Variants in FAM149B1 observed in about 807,000 individuals in gnomAD.
The protein encoded by FAM149B1 is primary cilium assembly protein FAM149B1.
FAM149B1 carries 56 observed loss-of-function variants against 75.3 expected under a neutral mutation model. The ratio of observed to expected loss-of-function variants is 0.74; its 90% CI spans 0.60 to 0.93. The LOEUF (loss-of-function observed/expected upper bound fraction) is 0.93. Ranked by LOEUF, FAM149B1 falls within the 40% of genes least tolerant of loss-of-function variation. The pLI is 0.00. For missense variants in FAM149B1, 639 were observed against 708.4 expected (o/e 0.90, Z 1.11); for synonymous variants, 259 against 256.1 (o/e 1.01, Z -0.11).
At chr10:73,177,747 T>TTTTATCTGTGTACAC in intron 2 of FAM149B1, 99 bp from the exon 3 acceptor site, 4 of 1,048,522 alleles carry the variant, frequency 3.8e-6, no homozygotes, top group African/African-American at 1.6e-5. Context: ...GTACACATGT[T>TTTTATCTGTGTACAC]AATCACCTAG....
intron 8 of FAM149B1, among the ~76,000 whole-genome samples, chr10:73,229,743 C>T (rs2043641306): frequency 6.6e-6 from 1 of 152,196 alleles, no homozygotes; most frequent in South Asian, 2.1e-4. Context: ...TCGCTGATGA[C>T]CTAAGAAAGG....
intron 2 of FAM149B1, among the ~76,000 whole-genome samples, chr10:73,177,217 TA>T (rs1450747606): frequency 6.6e-6 from 1 of 151,364 alleles, no homozygotes; most frequent in Non-Finnish European, 1.5e-5. Flanking sequence ...AAATAAAAAA[TA>T]AAAAGTGCCA....
intron 3 of FAM149B1, among the ~76,000 whole-genome samples, chr10:73,184,621 C>T (rs1399915391): frequency 6.6e-6 from 1 of 152,186 alleles, no homozygotes; most frequent in Non-Finnish European, 1.5e-5. Flanking sequence ...CAACAACATA[C>T]AGTTGGGATA....
intron 3 of FAM149B1, among the ~76,000 whole-genome samples, chr10:73,188,787 AAGGAAGG>A (rs2042603774): frequency 6.6e-6 from 1 of 150,912 alleles, no homozygotes. Flanking sequence ...GGAAGGAAGG[AAGGAAGG>A]AAGGAAGGAA....
intron 6 of FAM149B1, among the ~76,000 whole-genome samples, 196 bp from the exon 7 acceptor site, chr10:73,210,055 C>T (rs2043153711): frequency 6.6e-6 from 1 of 152,194 alleles, no homozygotes; most frequent in South Asian, 2.1e-4. Flanking sequence ...CAAAGATTGC[C>T]TCCTTCCCTT....
At chr10:73,221,298 T>A (rs573254863) in intron 7 of FAM149B1, among the ~76,000 whole-genome samples, 3 of 152,342 alleles carry the variant, frequency 2.0e-5, no homozygotes, top group African/African-American at 7.2e-5. Context: ...AAAAAATTTT[T>A]AAAATTCTTT....
rs2043738883 is a variant in FAM149B1 at position 73,232,892 on chromosome 10, G to A, written c.1128-47G>A. On this transcript the variant is annotated intron_variant, in intron 9 of 13. Transcript: ENST00000242505. ...TTACCCCGTTAGTCTTGTCTTCCTT[G>A]ACATACTGATCTTTACTTCATTGTG... 5.2e-6 allele frequency: 6 copies of A among 1,144,164 alleles called. No individual in the cohort carries two copies. The East Asian group carries it at 1.5e-4, about 29-fold the overall frequency. The allele number at this position is 1,144,164 out of a possible 1,614,324, so 70.9% of individuals were successfully genotyped here. A position where few individuals can be genotyped will look rare whatever the true frequency, so the allele number is the denominator to read the frequency against.
intron 2 of FAM149B1, among the ~76,000 whole-genome samples, 197 bp downstream of exon 2, chr10:73,174,988 G>C (rs974513476): frequency 7.2e-5 from 11 of 152,162 alleles, no homozygotes; most frequent in African/African-American, 2.7e-4. Context: ...CCTTTGAGAA[G>C]TAGTATTATA....
intron 1 of FAM149B1, among the ~76,000 whole-genome samples, chr10:73,173,986 C>T (rs1436125813): frequency 6.6e-6 from 1 of 152,122 alleles, no homozygotes; most frequent in East Asian, 1.9e-4. Flanking sequence ...TGAGATCCAT[C>T]CAAGTTGTTG....
At chr10:73,175,378 A>T (rs1448089763) in intron 2 of FAM149B1, among the ~76,000 whole-genome samples, 1 of 151,998 alleles carries the variant, frequency 6.6e-6, no homozygotes, top group Non-Finnish European at 1.5e-5. Flanking sequence ...TCAAGAAAAA[A>T]CATAAATAGG....
At chr10:73,177,745 G>A (rs1589136018) in intron 2 of FAM149B1, 101 bp from the exon 3 acceptor site, 22 of 1,015,900 alleles carry the variant, frequency 2.2e-5, no homozygotes, top group African/African-American at 8.6e-5. Context: ...TTGTACACAT[G>A]TTAATCACCT....
chr10:73,219,836 C>T (rs2043369986), intron 7 of FAM149B1, among the ~76,000 whole-genome samples: 1 of 151,982 alleles, frequency 6.6e-6, no homozygotes, highest in Non-Finnish European at 1.5e-5. Flanking sequence ...TCTTCATGAC[C>T]TTGGATTTGA....
At chr10:73,213,009 A>G (rs1371907199) in intron 7 of FAM149B1, among the ~76,000 whole-genome samples, 1 of 151,882 alleles carries the variant, frequency 6.6e-6, no homozygotes, top group African/African-American at 2.4e-5. Context: ...CGACTGGCTA[A>G]TCTTTTGGTA....
chr10:73,219,651 G>A (rs763248897), intron 7 of FAM149B1, among the ~76,000 whole-genome samples: 3 of 152,110 alleles, frequency 2.0e-5, no homozygotes, highest in Non-Finnish European at 2.9e-5. Context: ...ATCATTCAAT[G>A]GGAGAAGAAT....
At position 73,241,006 on chromosome 10, in the gene FAM149B1, G is replaced by A. The variant is rs2043939493; in HGVS notation, c.1736G>A (p.Arg579Lys). 6.5e-7 allele frequency: 1 copy of A among 1,540,220 alleles called. No individual in the cohort carries two copies. Among genetic ancestry groups the A allele is most frequent in the Non-Finnish European group, 8.8e-7 (1 of 1,139,216 alleles). Reference protein sequence around the residue: ...QSGGRPVSRTRQGP With the variant: ...QSGGRPVSRTKQGP Reference sequence around the variant, plus strand: ...GGAGGCAGACCAGTCTCTCGAACCAGGCAGGGACCATAAGGCAAATGAGAA... The same window carrying A: ...GGAGGCAGACCAGTCTCTCGAACCAAGCAGGGACCATAAGGCAAATGAGAA... Residue 579 changes from arginine (R) to lysine (K), a missense_variant, in exon 14 of 14, where the codon AGG becomes AAG. By Grantham distance (26) the Arg-to-Lys change is conservative. Transcript: ENST00000242505.
chr10:73,191,120 A>G (rs1486561164), intron 3 of FAM149B1, among the ~76,000 whole-genome samples: 1 of 151,978 alleles, frequency 6.6e-6, no homozygotes, highest in East Asian at 1.9e-4. Context: ...GGCTCACCAC[A>G]ACCTCCGCCT....
At chr10:73,216,840 AGT>A (rs1356342518) in intron 7 of FAM149B1, among the ~76,000 whole-genome samples, 1 of 152,208 alleles carries the variant, frequency 6.6e-6, no homozygotes, top group Non-Finnish European at 1.5e-5. Context: ...ACATATTTAA[AGT>A]GTGTTATAAG....
intron 5 of FAM149B1, 43 bp downstream of exon 5, chr10:73,193,636 G>GC: frequency 2.0e-6 from 3 of 1,529,372 alleles, no homozygotes; most frequent in East Asian, 2.5e-5. Flanking sequence ...GCCCTAATAT[G>GC]CAAGTATTAT....
Position 73,241,004 on chromosome 10 carries a change from C to G in FAM149B1, c.1734C>G (p.Thr578=). The change falls in exon 14 of 14, where the codon ACC becomes ACG. Residue 578 remains threonine (T), a synonymous_variant. Transcript: ENST00000242505. ...GCGGAGGCAGACCAGTCTCTCGAACCAGGCAGGGACCATAAGGCAAATGAG... is the reference window on the plus strand; with the variant it reads ...GCGGAGGCAGACCAGTCTCTCGAACGAGGCAGGGACCATAAGGCAAATGAG... ...SQSGGRPVSR[T]RQGP is the part of the protein sequence containing the mutation. The G allele has an allele frequency of 6.5e-7, 1 of 1,539,836 alleles. No individual in the cohort carries two copies.
Sources: allele counts gnomAD v4.1 joint callset (sites outside exome capture counted in the v4.1 genomes callset), GRCh38; gene constraint gnomAD v4.1.1; transcripts MANE v1.5; gene names NCBI Gene and HGNC (gene_info 2026-07-23, HGNC 2026-07-21).